The following CCNY variants were observed in gnomAD, a reference collection of about 807,000 sequenced individuals.
CCNY encodes the protein cyclin Y, also known as cyclin-Y.
Under a neutral mutation model 42.8 loss-of-function variants are expected in CCNY, and 19 were observed. The observed-to-expected ratio is 0.44, with a 90% CI of 0.31 to 0.65. The LOEUF (loss-of-function observed/expected upper bound fraction) is 0.65. CCNY is among the 30% of genes least tolerant of loss of function. The pLI is 0.07. For synonymous variants in CCNY, 165 were observed against 162.7 expected (o/e 1.01, Z -0.11); for missense variants, 370 against 437.3 (o/e 0.85, Z 1.37).
At chr10:35,398,515 T>C (rs1396397623) in intron 1 of CCNY, among the ~76,000 whole-genome samples, 4 of 152,094 alleles carry the variant, frequency 2.6e-5, no homozygotes, top group Non-Finnish European at 5.9e-5. Context: ...CCAGTTCCTA[T>C]GTTTTGACTG....
chr10:35,562,475 C>A (rs1244981179), intron 8 of CCNY, among the ~76,000 whole-genome samples: 1 of 152,198 alleles, frequency 6.6e-6, no homozygotes, highest in African/African-American at 2.4e-5. Flanking sequence ...CTTGCCATTC[C>A]TCCTTCCTCC....
intron 1 of CCNY, among the ~76,000 whole-genome samples, chr10:35,440,262 T>C (rs550992618): frequency 6.6e-6 from 1 of 152,318 alleles, no homozygotes; most frequent in African/African-American, 2.4e-5. Context: ...CTTCTTCAGC[T>C]TTTATCTGAG....
chr10:35,429,017 G>C (rs775339935), intron 1 of CCNY, among the ~76,000 whole-genome samples: 2 of 152,178 alleles, frequency 1.3e-5, no homozygotes, highest in Non-Finnish European at 2.9e-5. Context: ...TGTTATATTT[G>C]TTTTGGTTGG....
chr10:35,385,148 A>AGT (rs966337991), intron 1 of CCNY, among the ~76,000 whole-genome samples: 2 of 152,214 alleles, frequency 1.3e-5, no homozygotes, highest in African/African-American at 4.8e-5. Flanking sequence ...GAGAATTGAT[A>AGT]GTGGCTCATA....
intron 1 of CCNY, among the ~76,000 whole-genome samples, chr10:35,382,525 C>T (rs547061489): frequency 1.3e-5 from 2 of 152,324 alleles, no homozygotes; most frequent in East Asian, 3.9e-4. Flanking sequence ...GCACATTTGG[C>T]AAGGTCTGGA....
Position 35,570,025 on chromosome 10 carries a change from G to A in CCNY, c.*855G>A, listed in dbSNP as rs1439120011. ...GTGGGCTGAAGGACACGGTGCAGCAGAGGGTGTCCCTGTGAGAGTTCTGCA... is the reference window on the plus strand; with the variant it reads ...GTGGGCTGAAGGACACGGTGCAGCAAAGGGTGTCCCTGTGAGAGTTCTGCA... On this transcript the variant is annotated 3_prime_UTR_variant, in exon 10 of 10. Coordinates refer to ENST00000374704, the MANE Select transcript of CCNY (RefSeq NM_145012.6). 6.5e-6 allele frequency: 1 copy of A among 152,804 alleles called. No homozygotes were observed. The highest frequency in any genetic ancestry group is 1.5e-5 in the Non-Finnish European group (1 of 68,070). The allele number at this position is 152,804 out of a possible 1,614,324, so 9.5% of individuals were successfully genotyped here.
In CCNY at chr10:35,522,350, G is replaced by T. The variant is rs115100242; in HGVS notation, c.366-3614G>T. On this transcript the variant is annotated intron_variant, in intron 4 of 9. Coordinates refer to ENST00000374704, the MANE Select transcript of CCNY (RefSeq NM_145012.6). ...CAGAGATCCATCCACCTGCCTTTGCGAGATGAGCACGCCTCCTGTTACAAA... is the reference window on the plus strand; with the variant it reads ...CAGAGATCCATCCACCTGCCTTTGCTAGATGAGCACGCCTCCTGTTACAAA... Among the ~76,000 whole-genome samples, 165 of 152,292 alleles carry T rather than the reference G, an allele frequency of 1.1e-3. 1 individual carries two copies. The highest frequency in any genetic ancestry group is 3.8e-3 in the African/African-American group (156 of 41,552).
At chr10:35,452,122 C>T (rs1472011735) in intron 1 of CCNY, among the ~76,000 whole-genome samples, 1 of 152,046 alleles carries the variant, frequency 6.6e-6, no homozygotes, top group Non-Finnish European at 1.5e-5. Flanking sequence ...CAAGTGCTGC[C>T]TTTTTTGCTG....
chr10:35,301,507 G>C (rs1835532993), intron 3 of CCNY, among the ~76,000 whole-genome samples: 1 of 152,162 alleles, frequency 6.6e-6, no homozygotes, highest in African/African-American at 2.4e-5. Flanking sequence ...AGATGTTCTT[G>C]GCTGTATAGA....
intron 2 of CCNY, among the ~76,000 whole-genome samples, chr10:35,248,390 T>C (rs987912776): frequency 1.5e-4 from 23 of 152,100 alleles, no homozygotes; most frequent in Non-Finnish European, 8.8e-5. Context: ...ACGCCTGTAA[T>C]CCCAGCACTT....
chr10:35,540,253 T>G (rs1274016984), intron 7 of CCNY, among the ~76,000 whole-genome samples: 1 of 152,352 alleles, frequency 6.6e-6, no homozygotes, highest in Non-Finnish European at 1.5e-5. Context: ...TTTCCTTGTA[T>G]TCTTAATTTG....
At chr10:35,523,141 C>CAT (rs1466375978) in intron 4 of CCNY, among the ~76,000 whole-genome samples, 1 of 152,150 alleles carries the variant, frequency 6.6e-6, no homozygotes, top group Non-Finnish European at 1.5e-5. Context: ...CAGGGGACAC[C>CAT]ATAAAAGTCC....
chr10:35,330,008 C>T (rs150985430), intron 3 of CCNY, among the ~76,000 whole-genome samples: 15 of 152,262 alleles, frequency 9.9e-5, no homozygotes, highest in African/African-American at 3.4e-4. Context: ...GAGACAAGTA[C>T]GTTAATACAA....
At chr10:35,532,842 A>G (rs1840797530) in intron 7 of CCNY, among the ~76,000 whole-genome samples, 1 of 152,210 alleles carries the variant, frequency 6.6e-6, no homozygotes, top group Admixed American at 6.5e-5. Context: ...TACTTCGACA[A>G]CATGAAAAGC....
chr10:35,386,014 T>C (rs868346554), intron 1 of CCNY, among the ~76,000 whole-genome samples: 12 of 152,102 alleles, frequency 7.9e-5, no homozygotes, highest in East Asian at 1.9e-4. Flanking sequence ...GTTTTTTTTT[T>C]CCCCAGCAAT....
intron 1 of CCNY, among the ~76,000 whole-genome samples, chr10:35,413,903 G>T (rs1019932596): frequency 6.6e-6 from 1 of 152,198 alleles, no homozygotes; most frequent in East Asian, 1.9e-4. Flanking sequence ...CATGCATCGG[G>T]CACGTCGCTT....
chr10:35,478,819 C>A (rs1331141838), intron 1 of CCNY, among the ~76,000 whole-genome samples: 1 of 152,172 alleles, frequency 6.6e-6, no homozygotes, highest in Non-Finnish European at 1.5e-5. Context: ...AGCTTCTGCA[C>A]AGCAAAATAG....
At position 35,569,363 on chromosome 10, in the gene CCNY, C is replaced by T. The variant is rs1841639973; in HGVS notation, c.*193C>T. 3 of 582,772 alleles carry T rather than the reference C, an allele frequency of 5.1e-6. No homozygotes were observed. The highest frequency in any genetic ancestry group is 1.9e-5 in the African/African-American group (1 of 53,566). 36.1% of individuals were successfully genotyped at this position (582,772 alleles called of 1,614,324 possible). A position where few individuals can be genotyped will look rare whatever the true frequency, so the allele number is the denominator to read the frequency against. On this transcript the variant is annotated 3_prime_UTR_variant, in exon 10 of 10. Transcript: ENST00000374704. Reference sequence around the variant, plus strand: ...CGTCAGTGCCCTGGAGATCCCAGCTCGCTCTCCCCACTGTCAGCAACAGCA... The same window carrying T: ...CGTCAGTGCCCTGGAGATCCCAGCTTGCTCTCCCCACTGTCAGCAACAGCA...
intron 3 of CCNY, among the ~76,000 whole-genome samples, chr10:35,308,034 C>T (rs1835634681): frequency 6.6e-6 from 1 of 151,728 alleles, no homozygotes; most frequent in Non-Finnish European, 1.5e-5. Flanking sequence ...GCAGGCTGGT[C>T]TGGTACTCCT....
Sources: allele counts gnomAD v4.1 joint callset (sites outside exome capture counted in the v4.1 genomes callset), GRCh38; gene constraint gnomAD v4.1.1; transcripts MANE v1.5; gene names NCBI Gene and HGNC (gene_info 2026-07-23, HGNC 2026-07-21).